The following CNTNAP2 variants were observed in gnomAD, a reference collection of about 807,000 sequenced individuals.
The protein encoded by CNTNAP2 is contactin-associated protein-like 2.
Under a neutral mutation model 155.2 loss-of-function variants are expected in CNTNAP2, and 98 were observed. That is an observed-to-expected ratio of 0.63 (90% CI 0.54 to 0.75). CNTNAP2 has a LOEUF of 0.75. Among genes scored for constraint, CNTNAP2 ranks in the 30% least tolerant of loss-of-function variants. The pLI is 0.00. For missense variants in CNTNAP2, 1,727 were observed against 1,688.1 expected (o/e 1.02, Z -0.40); for synonymous variants, 651 against 631.2 (o/e 1.03, Z -0.47).
At chr7:147,126,458 A>C (rs540320451) in intron 6 of CNTNAP2, among the ~76,000 whole-genome samples, 21 of 152,226 alleles carry the variant, frequency 1.4e-4, no homozygotes, top group African/African-American at 4.8e-4. Flanking sequence ...TTATTTTACC[A>C]ATGAGAATTT....
rs934690778 is a variant in CNTNAP2 at position 146,910,650 on chromosome 7, C to T, written c.402+70746C>T. ...CCTTCCTTACACCTTATACAAAAATCAATTCAAGATGGATCAAAGATTTAA... is the reference window on the plus strand; with the variant it reads ...CCTTCCTTACACCTTATACAAAAATTAATTCAAGATGGATCAAAGATTTAA... On this transcript the variant is annotated intron_variant, in intron 3 of 23. Transcript: ENST00000361727. Among the ~76,000 whole-genome samples, 666 of 149,586 alleles carry T rather than the reference C, an allele frequency of 4.5e-3. 2 individuals carry two copies. Among genetic ancestry groups the T allele is most frequent in the African/African-American group, 0.016 (639 of 39,202 alleles).
intron 1 of CNTNAP2, among the ~76,000 whole-genome samples, chr7:146,554,516 C>T (rs1290182923): frequency 6.6e-6 from 1 of 152,164 alleles, no homozygotes; most frequent in Admixed American, 6.5e-5. Flanking sequence ...ACAAATTCCT[C>T]AAAAGTCCCA....
At chr7:147,367,946 A>G (rs1445108662) in intron 9 of CNTNAP2, among the ~76,000 whole-genome samples, 1 of 151,352 alleles carries the variant, frequency 6.6e-6, no homozygotes, top group South Asian at 2.1e-4. Flanking sequence ...GGTTGATCTC[A>G]CATAGCCACA....
At chr7:148,294,460 T>C (rs1797245583) in intron 21 of CNTNAP2, among the ~76,000 whole-genome samples, 1 of 152,236 alleles carries the variant, frequency 6.6e-6, no homozygotes, top group South Asian at 2.1e-4. Context: ...TATAACAATT[T>C]TGAATTAATC....
intron 10 of CNTNAP2, among the ~76,000 whole-genome samples, chr7:147,475,029 A>G (rs1798291499): frequency 6.6e-6 from 1 of 152,158 alleles, no homozygotes; most frequent in Non-Finnish European, 1.5e-5. Flanking sequence ...CCCTGGCAAT[A>G]TATTTTTGAG....
intron 1 of CNTNAP2, among the ~76,000 whole-genome samples, chr7:146,557,736 G>A (rs1264014523): frequency 2.0e-5 from 3 of 152,092 alleles, no homozygotes; most frequent in Admixed American, 6.6e-5. Context: ...CACTAATTAG[G>A]CAAACCAGAA....
chr7:146,647,255 T>C (rs1383699599), intron 1 of CNTNAP2, among the ~76,000 whole-genome samples: 2 of 152,166 alleles, frequency 1.3e-5, no homozygotes, highest in Non-Finnish European at 2.9e-5. Context: ...CTGGACTTTA[T>C]CTCGAGCTCC....
chr7:147,147,491 G>T (rs1339216447), intron 8 of CNTNAP2, among the ~76,000 whole-genome samples: 1 of 152,076 alleles, frequency 6.6e-6, no homozygotes, highest in African/African-American at 2.4e-5. Flanking sequence ...CAAAAACAAA[G>T]TGTGTCCCTT....
At chr7:148,146,269 G>T (rs956206028) in intron 16 of CNTNAP2, among the ~76,000 whole-genome samples, 1 of 152,210 alleles carries the variant, frequency 6.6e-6, no homozygotes, top group Non-Finnish European at 1.5e-5. Context: ...TTAGGCACTG[G>T]TGTGCCACAT....
intron 13 of CNTNAP2, among the ~76,000 whole-genome samples, chr7:147,883,257 T>C (rs1799552451): frequency 6.6e-6 from 1 of 152,128 alleles, no homozygotes; most frequent in Non-Finnish European, 1.5e-5. Flanking sequence ...CAAATCAACC[T>C]GCACTACCAT....
Position 147,902,500 on chromosome 7 carries a change from C to T in CNTNAP2, c.2099-1065C>T, listed in dbSNP as rs564038840. Among the ~76,000 whole-genome samples the T allele has an allele frequency of 2.3e-4, 35 of 152,142 alleles. 1 individual carries two copies. Among genetic ancestry groups the T allele is most frequent in the South Asian group, 2.3e-3 (11 of 4,818 alleles). ...TGGTGATTTATGAGATTTTGGTGCA[C>T]CCATCACCCAAGAAGTATACACTGA... On this transcript the variant is annotated intron_variant, in intron 13 of 23. Coordinates refer to ENST00000361727, the MANE Select transcript of CNTNAP2 (RefSeq NM_014141.6).
At chr7:146,854,700 T>G (rs772922408) in intron 3 of CNTNAP2, among the ~76,000 whole-genome samples, 1 of 152,170 alleles carries the variant, frequency 6.6e-6, no homozygotes, top group Non-Finnish European at 1.5e-5. Context: ...TATTATTTGC[T>G]GATGAAGAGG....
intron 1 of CNTNAP2, among the ~76,000 whole-genome samples, chr7:146,584,799 T>C (rs1191114883): frequency 1.6e-5 from 1 of 63,274 alleles, no homozygotes; most frequent in Non-Finnish European, 3.0e-5. Context: ...AAACCAATTA[T>C]TGCAAAGGTT....
At chr7:147,789,065 T>C (rs545075984) in intron 13 of CNTNAP2, among the ~76,000 whole-genome samples, 1 of 151,666 alleles carries the variant, frequency 6.6e-6, no homozygotes, top group South Asian at 2.1e-4. Context: ...TCACCATGCC[T>C]GGCTAATTTT....
At chr7:147,450,634 A>G (rs1401932790) in intron 10 of CNTNAP2, among the ~76,000 whole-genome samples, 1 of 152,218 alleles carries the variant, frequency 6.6e-6, no homozygotes, top group Non-Finnish European at 1.5e-5. Context: ...GCCTTTATAA[A>G]TGACTCCATT....
intron 13 of CNTNAP2, among the ~76,000 whole-genome samples, chr7:147,838,258 TGGGC>T (rs1798664964): frequency 6.6e-6 from 1 of 152,160 alleles, no homozygotes; most frequent in African/African-American, 2.4e-5. Flanking sequence ...CCTAGGCCTC[TGGGC>T]CTGTGATGGG....
chr7:146,419,394 A>C (rs551488814), intron 1 of CNTNAP2, among the ~76,000 whole-genome samples: 55 of 152,182 alleles, frequency 3.6e-4, no homozygotes, highest in African/African-American at 1.3e-3. Context: ...CAGCCAAACC[A>C]TATCACCTTT....
intron 11 of CNTNAP2, among the ~76,000 whole-genome samples, chr7:147,529,788 T>C (rs78595183): frequency 0.033 from 5,022 of 152,320 alleles, 282 homozygotes; most frequent in African/African-American, 0.11. Flanking sequence ...TTTATCGCTA[T>C]CAACAGAGCC....
chr7:148,165,404 AGGG>A (rs1180067620), intron 17 of CNTNAP2, among the ~76,000 whole-genome samples: 12 of 152,138 alleles, frequency 7.9e-5, no homozygotes, highest in Non-Finnish European at 7.3e-5. Flanking sequence ...ACAAATTTTG[AGGG>A]GACACAGTTC....
Sources: gnomAD v4.1 joint callset for allele counts (sites outside exome capture counted in the v4.1 genomes callset) on GRCh38, gnomAD v4.1.1 for gene constraint, MANE v1.5 for transcripts, NCBI Gene and HGNC (gene_info 2026-07-23, HGNC 2026-07-21) for gene names.